The following BRD1 variants were observed in gnomAD, a reference collection of about 807,000 sequenced individuals.
The protein encoded by BRD1 is bromodomain-containing protein 1.
Under a neutral mutation model 107.7 loss-of-function variants are expected in BRD1, and 24 were observed. The ratio of observed to expected loss-of-function variants is 0.22; its 90% CI spans 0.16 to 0.31. BRD1 has a LOEUF of 0.31. BRD1 is among the 10% of genes least tolerant of loss of function. BRD1 has a pLI of 1.00. For synonymous variants in BRD1, 744 were observed against 686.1 expected (o/e 1.08, Z -1.32); for missense variants, 1,279 against 1,638.6 (o/e 0.78, Z 3.79).
intron 3 of BRD1, among the ~76,000 whole-genome samples, chr22:49,802,184 C>T (rs555136357): frequency 1.4e-5 from 2 of 145,410 alleles, no homozygotes; most frequent in African/African-American, 2.6e-5. Context: ...TCGCGGGGGC[C>T]GAGACCAATG....
chr22:49,773,711 G>A lies in BRD1; in HGVS notation c.*522C>T, dbSNP rs905917790. On this transcript the variant is annotated 3_prime_UTR_variant, in exon 13 of 13. Coordinates refer to ENST00000404760, the MANE Select transcript of BRD1 (RefSeq NM_001304808.3). ...CACACCTGCGGGGTTTGAGGTGGGC[G>A]GGACGACGGGAGCGGGGACACACCC... The A allele has an allele frequency of 2.0e-5, 3 of 152,736 alleles. No individual in the cohort carries two copies. Among genetic ancestry groups the A allele is most frequent in the South Asian group, 2.1e-4 (1 of 4,820 alleles). The allele number at this position is 152,736 out of a possible 1,614,324, so 9.5% of individuals were successfully genotyped here. A position where few individuals can be genotyped will look rare whatever the true frequency, so the allele number is the denominator to read the frequency against.
chr22:49,816,699 G>A (rs2059959199), intron 2 of BRD1, among the ~76,000 whole-genome samples: 1 of 152,198 alleles, frequency 6.6e-6, no homozygotes, highest in Non-Finnish European at 1.5e-5. Context: ...AGGAATTCAA[G>A]ATCAGCCTGG....
chr22:49,827,186 G>A (rs1778947289), intron 1 of BRD1, among the ~76,000 whole-genome samples: 2 of 149,506 alleles, frequency 1.3e-5, no homozygotes, highest in African/African-American at 2.5e-5. Context: ...GGCCCAGGCC[G>A]CCGAGACCCA....
At chr22:49,799,278 G>A (rs1268804772) in intron 3 of BRD1, among the ~76,000 whole-genome samples, 159 bp from the exon 4 acceptor site, 2 of 152,074 alleles carry the variant, frequency 1.3e-5, no homozygotes, top group Non-Finnish European at 2.9e-5. Context: ...AGAGCCCCAG[G>A]ACAGCACCGG....
intron 2 of BRD1, among the ~76,000 whole-genome samples, chr22:49,810,763 T>C (rs1216198591): frequency 6.6e-6 from 1 of 152,198 alleles, no homozygotes; most frequent in Non-Finnish European, 1.5e-5. Flanking sequence ...TCGCTGCCCC[T>C]GCACCATGGA....
At chr22:49,809,689 A>G (rs1011626096) in intron 2 of BRD1, among the ~76,000 whole-genome samples, 22 of 152,280 alleles carry the variant, frequency 1.4e-4, no homozygotes, top group African/African-American at 5.1e-4. Flanking sequence ...GAGGCCAGAG[A>G]AACACCATGA....
intron 2 of BRD1, among the ~76,000 whole-genome samples, chr22:49,819,997 G>A (rs1343373793): frequency 6.6e-6 from 1 of 151,828 alleles, no homozygotes; most frequent in East Asian, 2.0e-4. Context: ...GGGTGTGGTG[G>A]CAGGTGCCTG....
At chr22:49,778,743 G>C (rs915108383) in intron 8 of BRD1, among the ~76,000 whole-genome samples, 43 of 152,052 alleles carry the variant, frequency 2.8e-4, no homozygotes, top group Non-Finnish European at 5.7e-4. Context: ...CTCACTGCAA[G>C]CTCCACCTCC....
chr22:49,801,999 T>C (rs1238570528), intron 3 of BRD1, among the ~76,000 whole-genome samples: 2 of 152,202 alleles, frequency 1.3e-5, no homozygotes, highest in Non-Finnish European at 2.9e-5. Flanking sequence ...CCATGCCCAC[T>C]TTCCATGGAA....
intron 8 of BRD1, among the ~76,000 whole-genome samples, chr22:49,782,070 G>C (rs566768901): frequency 6.6e-6 from 1 of 151,160 alleles, no homozygotes; most frequent in African/African-American, 2.4e-5. Flanking sequence ...CTATGTTGCT[G>C]GGACCCGCTC....
chr22:49,802,903 T>A (rs1344630321), intron 3 of BRD1, among the ~76,000 whole-genome samples: 1 of 152,246 alleles, frequency 6.6e-6, no homozygotes, highest in East Asian at 1.9e-4. Flanking sequence ...AGACATTCAC[T>A]GAAGCCTCAA....
At chr22:49,793,467 C>CT (rs2059471027) in intron 7 of BRD1, among the ~76,000 whole-genome samples, 1 of 152,240 alleles carries the variant, frequency 6.6e-6, no homozygotes, top group Admixed American at 6.5e-5. Context: ...ACGATCACGG[C>CT]TGCTACCTAC....
At chr22:49,801,080 A>G (rs963709167) in intron 3 of BRD1, among the ~76,000 whole-genome samples, 1 of 152,242 alleles carries the variant, frequency 6.6e-6, no homozygotes, top group East Asian at 1.9e-4. Context: ...CACGCAGCAC[A>G]GCAAGGACGA....
Position 49,787,581 on chromosome 22 carries a change from T to C in BRD1, c.2666A>G (p.Lys889Arg), listed in dbSNP as rs1329075259. The C allele has an allele frequency of 2.6e-6, 4 of 1,567,374 alleles. No homozygotes were observed. The highest frequency in any genetic ancestry group is 3.5e-6 in the Non-Finnish European group (4 of 1,155,526). The change falls in exon 8 of 13, where the codon AAA becomes AGA. Residue 889 changes from lysine to arginine, a missense_variant. Lys to Arg is a conservative substitution (Grantham distance 26). Transcript: ENST00000404760. ...GGCAGACTTTGGGGGGCTTACACTT[T>C]TCGATTTGCAGAAGAGAACAGAAGT... is the stretch of plus-strand genomic sequence containing the variant. ...RRTSVLFCKSKSVSPPKSAKN... is the reference protein window; with the variant it reads ...RRTSVLFCKSRSVSPPKSAKN...
Position 49,824,714 on chromosome 22 carries a change from A to G in BRD1, c.-14-383T>C. 9.3e-7 allele frequency: 1 copy of G among 1,080,568 alleles called. No individual in the cohort carries two copies. Among genetic ancestry groups the G allele is most frequent in the South Asian group, 3.0e-5 (1 of 33,776 alleles). 66.9% of individuals were successfully genotyped at this position (1,080,568 alleles called of 1,614,324 possible). A position where few individuals can be genotyped will look rare whatever the true frequency, so the allele number is the denominator to read the frequency against. On this transcript the variant is annotated intron_variant, in intron 1 of 12. Coordinates refer to ENST00000404760, the MANE Select transcript of BRD1 (RefSeq NM_001304808.3). The surrounding 1 kb of genome is among the most constrained non-coding windows in gnomAD (Gnocchi z 5.9). ...TTTCCCAGCATGCAGGCGGTCCCCC[A>G]GGAAGTCCACATACAGGGCTGGACC...
chr22:49,798,516 G>C (rs762792797), intron 5 of BRD1, 42 bp downstream of exon 5: 1 of 1,614,038 alleles, frequency 6.2e-7, no homozygotes, highest in Non-Finnish European at 8.5e-7. Context: ...CAAATCCACA[G>C]TCACACATGC....
chr22:49,825,071 T>C (rs531376463), intron 1 of BRD1, among the ~76,000 whole-genome samples: 1 of 152,208 alleles, frequency 6.6e-6, no homozygotes, highest in Non-Finnish European at 1.5e-5. Flanking sequence ...GTGACCACCA[T>C]GGAAACCACC....
chr22:49,821,290 C>T (rs2060061476), intron 2 of BRD1, among the ~76,000 whole-genome samples: 1 of 152,200 alleles, frequency 6.6e-6, no homozygotes, highest in African/African-American at 2.4e-5. Flanking sequence ...TGTTAGATCA[C>T]ATTTTGTTTA....
At chr22:49,791,346 T>C (rs183201656) in intron 7 of BRD1, among the ~76,000 whole-genome samples, 126 of 152,366 alleles carry the variant, frequency 8.3e-4, no homozygotes, top group Admixed American at 4.7e-3. Flanking sequence ...CACTAAAGTC[T>C]CAGGGGCCTG....
Sources: gnomAD v4.1 joint callset for allele counts (sites outside exome capture counted in the v4.1 genomes callset) on GRCh38, gnomAD v4.1.1 for gene constraint, Gnocchi (gnomAD v3.1) non-coding constraint, MANE v1.5 for transcripts, NCBI Gene and HGNC (gene_info 2026-07-23, HGNC 2026-07-21) for gene names.